ABCC8: variants seen among roughly 807,000 people sequenced by gnomAD.
ABCC8 encodes the protein ATP-binding cassette sub-family C member 8.
Under a neutral mutation model 188.0 loss-of-function variants are expected in ABCC8, and 137 were observed. That is an observed-to-expected ratio of 0.73 (90% CI 0.63 to 0.84). The LOEUF is 0.84. Among genes scored for constraint, ABCC8 ranks in the 40% least tolerant of loss-of-function variants. The probability of loss-of-function intolerance (pLI) is 0.00; values close to 1 mark genes in which losing one functional copy is unlikely to be tolerated. For synonymous variants in ABCC8, 797 were observed against 846.5 expected (o/e 0.94, Z 1.01); for missense variants, 1,750 against 2,072.7 (o/e 0.84, Z 3.02).
intron 10 of ABCC8, among the ~76,000 whole-genome samples, chr11:17,434,984 C>CGCGCGCGT (rs71457876): frequency 2.8e-5 from 4 of 144,650 alleles, no homozygotes; most frequent in African/African-American, 5.3e-5. Flanking sequence ...CGTGTGTTCG[C>CGCGCGCGT]GTGTGTGTGT....
At chr11:17,443,485 C>T (rs1956406276) in intron 8 of ABCC8, 173 bp from the exon 9 acceptor site, 2 of 1,053,530 alleles carry the variant, frequency 1.9e-6, no homozygotes, top group African/African-American at 3.2e-5. Flanking sequence ...AAAGCAATTT[C>T]AAAAGGAGGT....
rs755725153 is a variant in ABCC8, at chr11:17,414,490, C to T, written c.2390+22G>A. 13 of 1,613,904 alleles carry T rather than the reference C, an allele frequency of 8.1e-6. No homozygotes were observed. The South Asian group carries it at 1.3e-4, about 16-fold the overall frequency. On this transcript the variant is annotated intron_variant, in intron 19 of 38. Transcript: ENST00000389817. ...GACAGTTCCTCCCCTCCACATCCTG[C>T]CTCCCTCCGACAGGCTTTTACCGTT...
At chr11:17,402,911 G>A (rs1564886866) in intron 28 of ABCC8, 158 bp from the exon 29 acceptor site, 1 of 307,986 alleles carries the variant, frequency 3.2e-6, no homozygotes. Context: ...AATGCCACCA[G>A]CCCATTGAGC....
At chr11:17,396,541 A>G in intron 33 of ABCC8, 1 of 322,166 alleles carries the variant, frequency 3.1e-6, no homozygotes, top group South Asian at 3.2e-5. Context: ...GCTCACCCTC[A>G]ATACAAGGGT....
At position 17,461,993 on chromosome 11, in the gene ABCC8, G is replaced by T. The variant is rs561556009; in HGVS notation, c.580-168C>A. ...GGAAAAGGATTCCCCAACACTTCTT[G>T]GCCACCAATGTCAGGGCATCCTGAC... On this transcript the variant is annotated intron_variant, in intron 4 of 38. Transcript: ENST00000389817. 4.3e-5 allele frequency: 34 copies of T among 786,400 alleles called. No homozygotes were observed. The African/African-American group carries it at 6.0e-4, about 14-fold the overall frequency. 48.7% of individuals were successfully genotyped at this position (786,400 alleles called of 1,614,324 possible).
At chr11:17,393,276 T>G in intron 38 of ABCC8, 148 bp from the exon 39 acceptor site, 1 of 1,113,676 alleles carries the variant, frequency 9.0e-7, no homozygotes, top group East Asian at 2.6e-5. Context: ...TGCACTTTCC[T>G]GGGGTGGATG....
chr11:17,395,524 C>A, intron 35 of ABCC8, 86 bp downstream of exon 35: 1 of 1,517,796 alleles, frequency 6.6e-7, no homozygotes, highest in Non-Finnish European at 8.9e-7. Context: ...TCCTGGTCTC[C>A]CCCAACCCCC....
intron 6 of ABCC8, among the ~76,000 whole-genome samples, 179 bp downstream of exon 6, chr11:17,460,309 T>C (rs774754297): frequency 4.6e-5 from 7 of 152,242 alleles, no homozygotes; most frequent in Non-Finnish European, 1.0e-4. Flanking sequence ...GCTCGCCCTC[T>C]GGCATTTCTG....
intron 10 of ABCC8, among the ~76,000 whole-genome samples, chr11:17,434,762 T>C (rs1371691943): frequency 6.6e-6 from 1 of 152,160 alleles, no homozygotes; most frequent in African/African-American, 2.4e-5. Context: ...TATAAATAAA[T>C]TTAAAAATGA....
intron 21 of ABCC8, among the ~76,000 whole-genome samples, chr11:17,411,279 C>G (rs1954792333): frequency 6.6e-6 from 1 of 152,250 alleles, no homozygotes; most frequent in Admixed American, 6.5e-5. Flanking sequence ...CTTCTTGTGC[C>G]TGTGCCTGGC....
In ABCC8 at chr11:17,392,957, T is replaced by A. The variant is rs1484216108; in HGVS notation, c.*34A>T. 1.2e-6 allele frequency: 2 copies of A among 1,609,580 alleles called. No individual in the cohort carries two copies. The highest frequency in any genetic ancestry group is 3.3e-5 in the Admixed American group (2 of 60,018). On this transcript the variant is annotated 3_prime_UTR_variant, in exon 39 of 39. Coordinates refer to ENST00000389817, the MANE Select transcript of ABCC8 (RefSeq NM_000352.6). Reference sequence around the variant, plus strand: ...AACCCAGGCAGGGGTATGGGCAGGGTCCGAATGTGGGATGGCACTTGGGCT... The same window carrying A: ...AACCCAGGCAGGGGTATGGGCAGGGACCGAATGTGGGATGGCACTTGGGCT...
At chr11:17,414,366 C>A in intron 19 of ABCC8, 146 bp downstream of exon 19, 1 of 1,171,806 alleles carries the variant, frequency 8.5e-7, no homozygotes, top group East Asian at 2.4e-5. Context: ...CCAGGTGCAC[C>A]ATATGGAGAG....
intron 32 of ABCC8, 38 bp downstream of exon 32, chr11:17,397,155 C>T (rs1413099480): frequency 1.2e-6 from 2 of 1,613,406 alleles, no homozygotes; most frequent in African/African-American, 1.3e-5. Context: ...CACACTCCTC[C>T]TTGGACTCTT....
rs188359981 is a variant in ABCC8, at chr11:17,397,983, C to T, written c.3754-186G>A. On this transcript the variant is annotated intron_variant, in intron 30 of 38. Transcript: ENST00000389817. ...CTGGAGCCCCAGGAGCCAACATGTC[C>T]CACAAGCTCATGCTCCCCTACCCCC... The T allele has an allele frequency of 1.1e-3, 854 of 764,704 alleles. 8 individuals carry two copies. The African/African-American group carries it at 0.012, about 11-fold the overall frequency. 47.4% of individuals were successfully genotyped at this position (764,704 alleles called of 1,614,324 possible).
intron 8 of ABCC8, among the ~76,000 whole-genome samples, chr11:17,446,475 C>G (rs11828686): frequency 0.059 from 8,981 of 152,156 alleles, 897 homozygotes; most frequent in African/African-American, 0.2. Context: ...GATGAGGTCT[C>G]TCTATGTTGC....
rs762899017 is a variant in ABCC8, at chr11:17,397,236, A to G, written c.3945T>C (p.His1315=). ...ELQLGAVKRI[H]GLLKTEAESY... ...TCTCTGCCTCGGTTTTCAGGAGCCC[A>G]TGGATGCGCTTCACAGCCCCCAGCT... is the stretch of plus-strand genomic sequence containing the variant. Residue 1315 remains histidine (H), a synonymous_variant, in exon 32 of 39, where the codon CAT becomes CAC. Coordinates refer to ENST00000389817, the MANE Select transcript of ABCC8 (RefSeq NM_000352.6). The G allele has an allele frequency of 1.9e-6, 3 of 1,613,640 alleles. No individual in the cohort carries two copies. The highest frequency in any genetic ancestry group is 1.6e-4 in the Middle Eastern group (1 of 6,062).
chr11:17,419,938 C>T (rs980978569), intron 16 of ABCC8, among the ~76,000 whole-genome samples: 1 of 152,168 alleles, frequency 6.6e-6, no homozygotes, highest in South Asian at 2.1e-4. Flanking sequence ...AAGGCACAAA[C>T]CTCACAGTGA....
rs2133539762 is a variant in ABCC8, at chr11:17,428,637, T to C, written c.1851A>G (p.Ala617=). The change falls in exon 13 of 39, where the codon GCA becomes GCG. Residue 617 remains alanine (A), a synonymous_variant. Transcript: ENST00000389817. The part of the protein sequence containing the change: ...VQKLSEFLSS[A]EIREEQCAPH... Reference sequence around the variant, plus strand: ...GGGCACACTGCTCCTCACGGATCTCTGCACTGGACAGGAACTCGCTTAGCT... The same window carrying C: ...GGGCACACTGCTCCTCACGGATCTCCGCACTGGACAGGAACTCGCTTAGCT... 1.9e-6 allele frequency: 3 copies of C among 1,613,942 alleles called. No individual in the cohort carries two copies. The highest frequency in any genetic ancestry group is 2.2e-5 in the South Asian group (2 of 91,086).
chr11:17,467,087 A>C (rs181384556), intron 3 of ABCC8, among the ~76,000 whole-genome samples: 1 of 41,242 alleles, frequency 2.4e-5, no homozygotes. Context: ...CACACACACA[A>C]CTTCCCATTG....
Sources: allele counts gnomAD v4.1 joint callset (sites outside exome capture counted in the v4.1 genomes callset), GRCh38; gene constraint gnomAD v4.1.1; transcripts MANE v1.5; gene names NCBI Gene and HGNC (gene_info 2026-07-23, HGNC 2026-07-21).